The following CES5A variants were observed in gnomAD, a reference collection of about 807,000 sequenced individuals.
CES5A encodes carboxylesterase 5.
A neutral mutation model predicts 62.9 loss-of-function variants in CES5A; 67 were observed. The observed-to-expected ratio is 1.07, with a 90% CI of 0.88 to 1.31. The LOEUF is 1.31. Ranked by LOEUF, CES5A falls within the 50% of genes most tolerant of loss-of-function variation. The pLI, the probability that CES5A is intolerant of heterozygous loss-of-function variation, is 0.00. For synonymous variants in CES5A, 296 were observed against 280.8 expected, an observed-to-expected ratio of 1.05 and a Z score of -0.54; for missense variants, 748 against 708.5, an observed-to-expected ratio of 1.06 and a Z score of -0.63.
intron 1 of CES5A, among the ~76,000 whole-genome samples, chr16:55,913,196 T>C (rs1466360050): frequency 3.3e-5 from 5 of 152,022 alleles, no homozygotes; most frequent in Admixed American, 1.3e-4. Context: ...AATGGAATCA[T>C]AGGGGGGTCG....
chr16:55,881,565 A>G (rs759422213), intron 1 of CES5A, among the ~76,000 whole-genome samples: 4 of 152,198 alleles, frequency 2.6e-5, no homozygotes, highest in Non-Finnish European at 4.4e-5. Flanking sequence ...ACATGATGAC[A>G]GCCTACAGCA....
chr16:55,944,424 G>C (rs904162395), intron 2 of CES5A: 2 of 263,456 alleles, frequency 7.6e-6, no homozygotes, highest in Middle Eastern at 1.2e-3. Flanking sequence ...CCTGCAGTGC[G>C]GTCCAACCTT....
Position 55,846,483 on chromosome 16 carries a change from G to A in CES5A, c.1696C>T (p.Leu566Phe), listed in dbSNP as rs1432566974. ...GCACAAAAGAAAAAGAAAGGCTGGA[G>A]GAGAGAGAGGAAAGTTAAGGAAGAA... ...PLSSLTFLSL[L>F]QPFFFFCAP Residue 566 changes from leucine (L) to phenylalanine (F), a missense_variant, in exon 13 of 13, where the codon CTC becomes TTC. Leu to Phe is a conservative substitution (Grantham distance 22). Transcript: ENST00000290567. The A allele has an allele frequency of 6.2e-6, 10 of 1,613,820 alleles. No individual in the cohort carries two copies. Among genetic ancestry groups the A allele is most frequent in the Non-Finnish European group, 8.5e-6 (10 of 1,179,832 alleles).
At chr16:55,945,697 A>G (rs1255798072) in intron 2 of CES5A, among the ~76,000 whole-genome samples, 1 of 152,230 alleles carries the variant, frequency 6.6e-6, no homozygotes, top group Non-Finnish European at 1.5e-5. Context: ...TCTTGAAAGT[A>G]TGGAATTCTG....
intron 11 of CES5A, among the ~76,000 whole-genome samples, chr16:55,848,597 G>A (rs1350446272): frequency 3.9e-5 from 6 of 152,184 alleles, no homozygotes; most frequent in African/African-American, 9.6e-5. Flanking sequence ...GTGGATGTTC[G>A]TATGTTTAGA....
chr16:55,941,311 A>T (rs1327822424), intron 2 of CES5A, among the ~76,000 whole-genome samples: 1 of 152,116 alleles, frequency 6.6e-6, no homozygotes, highest in African/African-American at 2.4e-5. Flanking sequence ...AAGGCAACAC[A>T]CAAAATCAAT....
intron 2 of CES5A, among the ~76,000 whole-genome samples, chr16:55,947,360 T>C (rs1005439418): frequency 1.3e-5 from 2 of 152,136 alleles, no homozygotes; most frequent in Non-Finnish European, 2.9e-5. Context: ...AAGAATATTA[T>C]CTGTCCTTAG....
intron 2 of CES5A, among the ~76,000 whole-genome samples, chr16:55,938,581 C>CA (rs1419424713): frequency 2.0e-5 from 3 of 150,216 alleles, no homozygotes; most frequent in Non-Finnish European, 4.4e-5. Flanking sequence ...ACTAAAAATA[C>CA]AAAAAATTAT....
intron 1 of CES5A, among the ~76,000 whole-genome samples, chr16:55,952,956 G>C (rs2034574259): frequency 6.6e-6 from 1 of 152,052 alleles, no homozygotes; most frequent in Non-Finnish European, 1.5e-5. Context: ...AGGAAAACAT[G>C]GATGAAAGGA....
intron 4 of CES5A, among the ~76,000 whole-genome samples, chr16:55,868,761 G>A (rs2033521123): frequency 6.6e-6 from 1 of 152,108 alleles, no homozygotes; most frequent in African/African-American, 2.4e-5. Context: ...CCCTCATCAG[G>A]ACTTCTCCTG....
At chr16:55,951,729 A>G (rs1206083748) in intron 1 of CES5A, among the ~76,000 whole-genome samples, 4 of 152,204 alleles carry the variant, frequency 2.6e-5, no homozygotes, top group African/African-American at 9.6e-5. Context: ...GATAAAATAT[A>G]ACATCAATAG....
chr16:55,880,048 C>T (rs1367382620), upstream of CES5A, among the ~76,000 whole-genome samples: 1 of 152,214 alleles, frequency 6.6e-6, no homozygotes, highest in Non-Finnish European at 1.5e-5. Context: ...CAATACCCTG[C>T]CCTTGTTCTA....
chr16:55,921,511 A>G (rs987042474), intron 1 of CES5A, among the ~76,000 whole-genome samples: 2 of 152,078 alleles, frequency 1.3e-5, no homozygotes, highest in Non-Finnish European at 2.9e-5. Context: ...TACTACATTC[A>G]GCAAAGCTAT....
At chr16:55,875,736 T>A (rs2142418763), upstream of CES5A, among the ~76,000 whole-genome samples, 1 of 152,346 alleles carries the variant, frequency 6.6e-6, no homozygotes, top group African/African-American at 2.4e-5. Flanking sequence ...GAGTCTTCAA[T>A]GGCCATTTGG....
At chr16:55,934,837 G>A (rs1024738559) in intron 2 of CES5A, among the ~76,000 whole-genome samples, 11 of 152,232 alleles carry the variant, frequency 7.2e-5, no homozygotes, top group Non-Finnish European at 1.5e-4. Context: ...CAGTCTAAGC[G>A]CAGGGCCTGA....
Position 55,873,237 on chromosome 16 carries a change from T to G in CES5A, c.278+596A>C, listed in dbSNP as rs1276798687. ...GGTTACCTAACCGAGCTTGGAAATC[T>G]GCAGTGACCAGGAGCTCCTTACCTC... On this transcript the variant is annotated intron_variant, in intron 2 of 12. Coordinates refer to ENST00000290567, the MANE Select transcript of CES5A (RefSeq NM_001143685.2). Among the ~76,000 whole-genome samples the G allele has an allele frequency of 2.6e-5, 4 of 152,302 alleles. No homozygotes were observed. The South Asian group carries it at 6.2e-4, about 24-fold the overall frequency.
chr16:55,949,654 A>G, intron 2 of CES5A: 1 of 419,920 alleles, frequency 2.4e-6, no homozygotes, highest in East Asian at 3.5e-5. Context: ...GAACATCTTG[A>G]CAATGAAAAT....
Position 55,866,072 on chromosome 16 carries a change from T to C in CES5A, c.596A>G (p.Gln199Arg). The C allele has an allele frequency of 6.2e-7, 1 of 1,614,134 alleles. No individual in the cohort carries two copies. The highest frequency in any genetic ancestry group is 8.5e-7 in the Non-Finnish European group (1 of 1,179,982). Residue 199 changes from glutamine to arginine, a missense_variant, in exon 5 of 13, where the codon CAG becomes CGG. Gln to Arg is a conservative substitution (Grantham distance 43). Coordinates refer to ENST00000290567, the MANE Select transcript of CES5A (RefSeq NM_001143685.2). Reference sequence around the variant, plus strand: ...CTGGACCCAGGACAGAGCAGCCACCTGGTCCTTGAAGGCCCAGTTCCCCGG... The same window carrying C: ...CTGGACCCAGGACAGAGCAGCCACCCGGTCCTTGAAGGCCCAGTTCCCCGG... The part of the protein sequence containing the change: ...HAPGNWAFKD[Q>R]VAALSWVQKN...
At chr16:55,853,158 A>G (rs1597110842) in intron 9 of CES5A, 130 bp from the exon 10 acceptor site, 1 of 863,568 alleles carries the variant, frequency 1.2e-6, no homozygotes, top group East Asian at 2.6e-5. Context: ...CAGCAACCCT[A>G]TGATGCAAGT....
Sources: gnomAD v4.1 joint callset for allele counts (sites outside exome capture counted in the v4.1 genomes callset) on GRCh38, gnomAD v4.1.1 for gene constraint, MANE v1.5 for transcripts, NCBI Gene and HGNC (gene_info 2026-07-23, HGNC 2026-07-21) for gene names.